Variants in DPYSL5 observed in about 807,000 individuals in gnomAD.
The protein encoded by DPYSL5 is dihydropyrimidinase-related protein 5.
A neutral mutation model predicts 58.4 loss-of-function variants in DPYSL5; 9 were observed. That is an observed-to-expected ratio of 0.15 (90% CI 0.09 to 0.27). The LOEUF (loss-of-function observed/expected upper bound fraction) is 0.27. Ranked by LOEUF, DPYSL5 falls within the 10% of genes least tolerant of loss-of-function variation. The pLI is 1.00. For synonymous variants in DPYSL5, 293 were observed against 301.9 expected (o/e 0.97, Z 0.31); for missense variants, 499 against 770.6 (o/e 0.65, Z 4.17).
intron 1 of DPYSL5, among the ~76,000 whole-genome samples, chr2:26,860,182 T>C (rs1665974860): frequency 6.6e-6 from 1 of 152,228 alleles, no homozygotes; most frequent in African/African-American, 2.4e-5. Flanking sequence ...CTAATGGTAT[T>C]GTCCAGATGC....
chr2:26,852,046 T>C (rs1261423616), intron 1 of DPYSL5, among the ~76,000 whole-genome samples: 1 of 152,214 alleles, frequency 6.6e-6, no homozygotes, highest in Non-Finnish European at 1.5e-5. Flanking sequence ...AGACCCAGTC[T>C]ATCTTCCTGG....
chr2:26,892,756 T>TGAGAGGAGAGA (rs1553316849), intron 1 of DPYSL5, among the ~76,000 whole-genome samples: 4 of 138,742 alleles, frequency 2.9e-5, no homozygotes, highest in African/African-American at 1.1e-4. Flanking sequence ...TGGGTTTGTT[T>TGAGAGGAGAGA]GAGAGAGAGA....
chr2:26,905,594 G>A lies in DPYSL5; in HGVS notation c.261+6834G>A, dbSNP rs1396728557. 1.3e-5 allele frequency among the ~76,000 whole-genome samples: 2 copies of A among 151,964 alleles called. No homozygotes were observed. The highest frequency in any genetic ancestry group is 2.4e-5 in the African/African-American group (1 of 41,354). On this transcript the variant is annotated intron_variant, in intron 2 of 12. Coordinates refer to ENST00000288699, the MANE Select transcript of DPYSL5 (RefSeq NM_020134.4). The surrounding 1 kb of genome is among the most constrained non-coding windows in gnomAD (Gnocchi z 4.0). Reference sequence around the variant, plus strand: ...CTTCCTGCTGCCCTACCACCCCTCCGGCCTAGCTGTGGGGGCTGGGATTGG... The same window carrying A: ...CTTCCTGCTGCCCTACCACCCCTCCAGCCTAGCTGTGGGGGCTGGGATTGG...
chr2:26,912,450 G>GGTA (rs1021952313), intron 2 of DPYSL5, among the ~76,000 whole-genome samples: 1 of 152,182 alleles, frequency 6.6e-6, no homozygotes, highest in African/African-American at 2.4e-5. Flanking sequence ...GGCATCCGTG[G>GGTA]GTAGCCTGGA....
chr2:26,906,113 A>G (rs1231816449), intron 2 of DPYSL5, among the ~76,000 whole-genome samples: 1 of 151,966 alleles, frequency 6.6e-6, no homozygotes, highest in Non-Finnish European at 1.5e-5. Flanking sequence ...AGCCAGCAAC[A>G]GACTCACCTC....
chr2:26,924,928 C>G lies in DPYSL5; in HGVS notation c.303C>G (p.Val101=), dbSNP rs1204052238. The G allele has an allele frequency of 6.2e-7, 1 of 1,614,168 alleles. No homozygotes were observed. Among genetic ancestry groups the G allele is most frequent in the South Asian group, 1.1e-5 (1 of 91,088 alleles). The part of the protein sequence containing the change: ...VGGTTMIIGH[V]LPDKETSLVD... ...GCACCACCATGATCATCGGCCACGT[C>G]CTGCCCGACAAGGAGACCTCCCTTG... The change falls in exon 3 of 13, where the codon GTC becomes GTG. Residue 101 remains valine, a synonymous_variant. Coordinates refer to ENST00000288699, the MANE Select transcript of DPYSL5 (RefSeq NM_020134.4). This position sits in a 1 kb window ranked among gnomAD's most constrained non-coding sequence, Gnocchi z 4.7.
At chr2:26,859,775 G>A (rs1665965449) in intron 1 of DPYSL5, among the ~76,000 whole-genome samples, 1 of 152,186 alleles carries the variant, frequency 6.6e-6, no homozygotes, top group African/African-American at 2.4e-5. Context: ...TGAGTATCTG[G>A]TAACAGAGTG....
chr2:26,918,863 A>G (rs1664640282), intron 2 of DPYSL5, among the ~76,000 whole-genome samples: 1 of 152,194 alleles, frequency 6.6e-6, no homozygotes, highest in Non-Finnish European at 1.5e-5. Context: ...GAAAAATTCC[A>G]TGAATTGGCT....
At chr2:26,938,451 G>C (rs1434801068) in intron 8 of DPYSL5, 2 of 152,244 alleles carry the variant, frequency 1.3e-5, no homozygotes, top group Non-Finnish European at 2.9e-5. Context: ...TTGGGGCTCT[G>C]CGGGAGAATC....
intron 9 of DPYSL5, among the ~76,000 whole-genome samples, chr2:26,941,082 G>A (rs1030013722): frequency 1.3e-5 from 2 of 151,926 alleles, no homozygotes; most frequent in South Asian, 2.1e-4. Context: ...GACTACAGGC[G>A]TGCGCCACTA....
chr2:26,945,350 C>A (rs1436108894), intron 12 of DPYSL5, among the ~76,000 whole-genome samples: 1 of 147,052 alleles, frequency 6.8e-6, no homozygotes, highest in Admixed American at 6.8e-5. Context: ...ATTTTATTAA[C>A]TTTAAGTAAA....
At position 26,942,832 on chromosome 2, in the gene DPYSL5, A is replaced by C. The variant is rs953815264; in HGVS notation, c.1440+82A>C. The C allele has an allele frequency of 1.3e-6, 2 of 1,488,194 alleles. No homozygotes were observed. Among genetic ancestry groups the C allele is most frequent in the African/African-American group, 1.4e-5 (1 of 72,326 alleles). The allele number at this position is 1,488,194 out of a possible 1,614,324, so 92.2% of individuals were successfully genotyped here. On this transcript the variant is annotated intron_variant, in intron 11 of 12. Coordinates refer to ENST00000288699, the MANE Select transcript of DPYSL5 (RefSeq NM_020134.4). This position sits in a 1 kb window ranked among gnomAD's most constrained non-coding sequence, Gnocchi z 5.9. ...TCCATGACTGTTTTAAATCTCAAAG[A>C]GATGTTCACTCCAGTTTTCGACCCA...
chr2:26,931,432 G>T (rs573831826), intron 5 of DPYSL5, among the ~76,000 whole-genome samples: 1 of 151,752 alleles, frequency 6.6e-6, no homozygotes, highest in South Asian at 2.1e-4. Flanking sequence ...GCCCCAAGTA[G>T]CATCCAGCAA....
intron 1 of DPYSL5, among the ~76,000 whole-genome samples, chr2:26,881,341 C>T (rs1663556543): frequency 6.6e-6 from 1 of 152,320 alleles, no homozygotes; most frequent in South Asian, 2.1e-4. Flanking sequence ...CTGTAAGCCT[C>T]CTGAGAGTGC....
chr2:26,892,436 T>C (rs4665919), intron 1 of DPYSL5, among the ~76,000 whole-genome samples: 60,074 of 152,078 alleles, frequency 0.4, 12,286 homozygotes, highest in Admixed American at 0.53. Context: ...GTTACGAGCA[T>C]GTAAGCAAAC....
chr2:26,929,879 C>T (rs1664928141), intron 5 of DPYSL5, among the ~76,000 whole-genome samples: 1 of 152,244 alleles, frequency 6.6e-6, no homozygotes, highest in Non-Finnish European at 1.5e-5. Context: ...ATAACGCATT[C>T]CTGCCCTATT....
intron 1 of DPYSL5, among the ~76,000 whole-genome samples, chr2:26,884,538 A>T (rs1663664578): frequency 2.0e-5 from 3 of 151,918 alleles, no homozygotes; most frequent in African/African-American, 7.3e-5. Flanking sequence ...ACACACACAC[A>T]CACACACACA....
chr2:26,935,391 T>C (rs991951079), intron 8 of DPYSL5, among the ~76,000 whole-genome samples: 2 of 152,158 alleles, frequency 1.3e-5, no homozygotes, highest in Non-Finnish European at 2.9e-5. Context: ...TTCTCTCTCC[T>C]ATTAACATTT....
chr2:26,862,194 T>C (rs556377290), intron 1 of DPYSL5, among the ~76,000 whole-genome samples: 4 of 152,200 alleles, frequency 2.6e-5, no homozygotes, highest in Non-Finnish European at 5.9e-5. Flanking sequence ...AATAAGCTTG[T>C]GTTGTTTTAA....
Sources: gnomAD v4.1 joint callset for allele counts (sites outside exome capture counted in the v4.1 genomes callset) on GRCh38, gnomAD v4.1.1 for gene constraint, Gnocchi (gnomAD v3.1) non-coding constraint, MANE v1.5 for transcripts, NCBI Gene and HGNC (gene_info 2026-07-23, HGNC 2026-07-21) for gene names.